GRID2: variants seen among roughly 807,000 people sequenced by gnomAD.
The protein encoded by GRID2 is glutamate receptor ionotropic, delta-2.
GRID2 carries 33 observed loss-of-function variants against 114.8 expected under a neutral mutation model. The ratio of observed to expected loss-of-function variants is 0.29; its 90% confidence interval spans 0.22 to 0.38. The LOEUF (loss-of-function observed/expected upper bound fraction) is 0.38. Among genes scored for constraint, GRID2 ranks in the 10% least tolerant of loss-of-function variants. The pLI is 1.00. For synonymous variants in GRID2, 505 were observed against 449.9 expected (o/e 1.12, Z -1.55); for missense variants, 1,184 against 1,257.7 (o/e 0.94, Z 0.89).
intron 12 of GRID2, among the ~76,000 whole-genome samples, chr4:93,491,448 G>A (rs1464447023): frequency 2.0e-5 from 3 of 151,796 alleles, no homozygotes; most frequent in South Asian, 2.1e-4. Flanking sequence ...CCGTAAGCCC[G>A]TGGAGCCCAA....
At chr4:92,463,158 T>A (rs1417088576) in intron 1 of GRID2, among the ~76,000 whole-genome samples, 1 of 151,942 alleles carries the variant, frequency 6.6e-6, no homozygotes, top group Non-Finnish European at 1.5e-5. Context: ...CTAGTTAGTG[T>A]AAAATTTTTA....
chr4:93,260,178 A>C (rs1194114022), intron 8 of GRID2, among the ~76,000 whole-genome samples: 1 of 151,768 alleles, frequency 6.6e-6, no homozygotes, highest in African/African-American at 2.4e-5. Context: ...TCTTACTAGC[A>C]TTCTGATAAA....
intron 2 of GRID2, among the ~76,000 whole-genome samples, chr4:92,816,676 G>C (rs1740940115): frequency 3.3e-5 from 5 of 152,080 alleles, no homozygotes; most frequent in Admixed American, 3.3e-4. Context: ...GATTCATGTG[G>C]TCTAGATTCA....
intron 2 of GRID2, among the ~76,000 whole-genome samples, chr4:92,776,791 A>G (rs1363807044): frequency 6.6e-6 from 1 of 152,088 alleles, no homozygotes; most frequent in East Asian, 1.9e-4. Flanking sequence ...AAGTTAATAT[A>G]TTAAGTGAAT....
chr4:93,662,832 C>T (rs1461493262), intron 14 of GRID2, among the ~76,000 whole-genome samples: 1 of 152,126 alleles, frequency 6.6e-6, no homozygotes, highest in Non-Finnish European at 1.5e-5. Flanking sequence ...AAGAAGAGTG[C>T]TTTTCCTTGA....
At chr4:93,590,581 A>G (rs1191246841) in intron 13 of GRID2, among the ~76,000 whole-genome samples, 4 of 151,956 alleles carry the variant, frequency 2.6e-5, no homozygotes, top group East Asian at 3.9e-4. Context: ...GTTTTTTCCA[A>G]TTCTCTGAAG....
chr4:92,677,059 C>T (rs932591420), intron 2 of GRID2, among the ~76,000 whole-genome samples: 2 of 152,014 alleles, frequency 1.3e-5, no homozygotes, highest in Non-Finnish European at 2.9e-5. Flanking sequence ...TATGAGGTAC[C>T]TAAAGTGTAC....
chr4:92,352,366 T>TATA (rs1450593739), intron 1 of GRID2, among the ~76,000 whole-genome samples: 83 of 126,718 alleles, frequency 6.5e-4, no homozygotes, highest in African/African-American at 2.2e-3. Context: ...TTATTATTAT[T>TATA]ATATTTTTTG....
intron 13 of GRID2, among the ~76,000 whole-genome samples, chr4:93,527,516 G>T: frequency 6.6e-6 from 1 of 151,730 alleles, no homozygotes; most frequent in East Asian, 1.9e-4. Flanking sequence ...ATTAAATACT[G>T]GAGTCCAAAA....
In GRID2 at chr4:93,654,583, T is replaced by C. The variant is rs757121125; in HGVS notation, c.2360+28148T>C. 9.9e-5 allele frequency among the ~76,000 whole-genome samples: 15 copies of C among 152,250 alleles called. No individual in the cohort carries two copies. The East Asian group carries it at 2.1e-3, about 22-fold the overall frequency. On this transcript the variant is annotated intron_variant, in intron 14 of 15. Coordinates refer to ENST00000282020, the MANE Select transcript of GRID2 (RefSeq NM_001510.4). Reference sequence around the variant, plus strand: ...CCTGAGTAAGGGGAAAAAAAACTTATGTAGTACCAGAATATTGAAACTGCC... The same window carrying C: ...CCTGAGTAAGGGGAAAAAAAACTTACGTAGTACCAGAATATTGAAACTGCC...
intron 1 of GRID2, among the ~76,000 whole-genome samples, chr4:92,445,731 C>T (rs1733422932): frequency 6.6e-6 from 1 of 152,168 alleles, no homozygotes; most frequent in African/African-American, 2.4e-5. Flanking sequence ...CCCCAAATAA[C>T]AAATTCTATC....
chr4:92,886,337 C>T (rs868130399), intron 2 of GRID2, among the ~76,000 whole-genome samples: 2 of 151,760 alleles, frequency 1.3e-5, no homozygotes, highest in African/African-American at 2.4e-5. Flanking sequence ...TGAAATATTG[C>T]GAGAATCACC....
At position 93,515,338 on chromosome 4, in the gene GRID2, A is replaced by G. The variant is rs1729608910; in HGVS notation, c.2120A>G (p.Gln707Arg). 1 of 1,612,852 alleles carries G rather than the reference A, an allele frequency of 6.2e-7. No homozygotes were observed. The highest frequency in any genetic ancestry group is 1.7e-5 in the Admixed American group (1 of 59,924). The change falls in exon 13 of 16, where the codon CAA becomes CGA. Residue 707 changes from glutamine (Q) to arginine (R), a missense_variant. This residue lies in a region of GRID2 where 717 missense variants were observed against 796.9 expected (regional missense o/e 0.90). Coordinates refer to ENST00000282020, the MANE Select transcript of GRID2 (RefSeq NM_001510.4). ...NPFERDSMYS[Q>R]MWRMINRSNG... Reference sequence around the variant, plus strand: ...TTTGAGAGGGACAGCATGTATTCCCAAATGTGGCGGATGATCAACCGAAGC... The same window carrying G: ...TTTGAGAGGGACAGCATGTATTCCCGAATGTGGCGGATGATCAACCGAAGC...
intron 2 of GRID2, among the ~76,000 whole-genome samples, chr4:93,064,036 C>A (rs1050719768): frequency 1.6e-5 from 2 of 121,888 alleles, no homozygotes; most frequent in African/African-American, 6.6e-5. Flanking sequence ...CCATGTTTAA[C>A]ATATTACGCT....
intron 7 of GRID2, among the ~76,000 whole-genome samples, chr4:93,238,050 A>G (rs1221201925): frequency 2.6e-5 from 4 of 151,758 alleles, no homozygotes; most frequent in African/African-American, 9.7e-5. Flanking sequence ...TCAAGTCACA[A>G]GGTATGGTGG....
chr4:92,315,248 A>G lies in GRID2; in HGVS notation c.88+10504A>G, dbSNP rs150220178. 1.3e-3 allele frequency among the ~76,000 whole-genome samples: 191 copies of G among 152,284 alleles called. 3 individuals carry two copies. Among genetic ancestry groups the G allele is most frequent in the Middle Eastern group, 6.8e-3 (2 of 294 alleles). Reference sequence around the variant, plus strand: ...GTTATGTCCTCTATAAAAACATTTCATCATATGGAAACAATGTGATATGGA... The same window carrying G: ...GTTATGTCCTCTATAAAAACATTTCGTCATATGGAAACAATGTGATATGGA... On this transcript the variant is annotated intron_variant, in intron 1 of 15. Coordinates refer to ENST00000282020, the MANE Select transcript of GRID2 (RefSeq NM_001510.4).
intron 2 of GRID2, among the ~76,000 whole-genome samples, chr4:92,683,869 A>G (rs1187872298): frequency 6.6e-6 from 1 of 151,902 alleles, no homozygotes; most frequent in Non-Finnish European, 1.5e-5. Flanking sequence ...TAAAACATAT[A>G]GAACAAATGT....
At chr4:92,829,678 A>C (rs1482922145) in intron 2 of GRID2, among the ~76,000 whole-genome samples, 1 of 152,186 alleles carries the variant, frequency 6.6e-6, no homozygotes, top group East Asian at 1.9e-4. Context: ...ACTTGGAACC[A>C]ACCCAAATGC....
intron 2 of GRID2, among the ~76,000 whole-genome samples, chr4:92,839,424 C>G (rs1414072005): frequency 1.4e-5 from 2 of 138,988 alleles, no homozygotes; most frequent in African/African-American, 2.7e-5. Flanking sequence ...CCCCCTCCCC[C>G]CACCACACAA....
Sources: allele counts gnomAD v4.1 joint callset (sites outside exome capture counted in the v4.1 genomes callset), GRCh38; gene constraint gnomAD v4.1.1; regional missense constraint gnomAD v4.1.1; transcripts MANE v1.5; gene names NCBI Gene and HGNC (gene_info 2026-07-23, HGNC 2026-07-21).